CARNS1: variants seen among roughly 807,000 people sequenced by gnomAD.
CARNS1 encodes carnosine synthase 1.
A neutral mutation model predicts 74.0 loss-of-function variants in CARNS1; 61 were observed. The ratio of observed to expected loss-of-function variants is 0.82; its 90% CI spans 0.67 to 1.02. The LOEUF is 1.02. CARNS1 is among the 50% of genes least tolerant of loss of function. The pLI is 0.00. For synonymous variants in CARNS1, 568 were observed against 605.5 expected (o/e 0.94, Z 0.91); for missense variants, 1,278 against 1,308.4 (o/e 0.98, Z 0.36).
At position 67,419,854 on chromosome 11, in the gene CARNS1, G is replaced by A. The variant is rs757464283; in HGVS notation, c.1113+16G>A. 2.6e-6 allele frequency: 4 copies of A among 1,562,732 alleles called. No individual in the cohort carries two copies. The highest frequency in any genetic ancestry group is 3.5e-6 in the Non-Finnish European group (4 of 1,154,222). ...GCTGAGCAAGGTGAGCGTGGCCCAGGCCCAGGCTGTGACCCTGCCTGCCAC... is the reference window on the plus strand; with the variant it reads ...GCTGAGCAAGGTGAGCGTGGCCCAGACCCAGGCTGTGACCCTGCCTGCCAC... On this transcript the variant is annotated intron_variant, in intron 7 of 9. Transcript: ENST00000687366.
rs1863680949 is a variant in CARNS1 at position 67,420,986 on chromosome 11, G to A, written c.1393G>A (p.Ala465Thr). Residue 465 changes from alanine to threonine, a missense_variant, in exon 9 of 10, where the codon GCC (alanine) becomes ACC (threonine). Transcript: ENST00000687366. ...TAAGGVLTPV[A>T]LELNGGLCLE... ...GGCCGGCGGCGTGCTGACCCCAGTG[G>A]CCCTGGAGCTGAACGGCGGCCTGTG... The A allele has an allele frequency of 7.0e-7, 1 of 1,424,920 alleles. No individual in the cohort carries two copies. Among genetic ancestry groups the A allele is most frequent in the Non-Finnish European group, 9.2e-7 (1 of 1,092,060 alleles). The allele number at this position is 1,424,920 out of a possible 1,614,324, so 88.3% of individuals were successfully genotyped here.
chr11:67,415,752 T>C lies in CARNS1; in HGVS notation c.-36T>C, dbSNP rs978705226. ...CCGCCCGCCACGCCCGCCGAGCCGC[T>C]GCCGCCGCCAGGTACCCCAGCTCCG... On this transcript the variant is annotated 5_prime_UTR_variant, in exon 1 of 10. Coordinates refer to ENST00000687366, the MANE Select transcript of CARNS1 (RefSeq NM_001166222.2). 2.6e-5 allele frequency: 4 copies of C among 154,042 alleles called. No individual in the cohort carries two copies. The South Asian group carries it at 7.1e-4, about 27-fold the overall frequency. The allele number at this position is 154,042 out of a possible 1,614,324, so 9.5% of individuals were successfully genotyped here. A position where few individuals can be genotyped will look rare whatever the true frequency, so the allele number is the denominator to read the frequency against.
rs1288492608 is a variant in CARNS1 at position 67,424,263 on chromosome 11, GT to G, written c.2517del (p.Met840TrpfsTer34). ...TGGTGTTGACCTGCTGCTGGCTGCT[GT>G]TATGGTGGCCTGTGGCTTGCGTCCT... ...LYGVDLLLAA[V>X]MVACGLRPAL... On this transcript the variant is annotated frameshift_variant, in exon 10 of 10. Coordinates refer to ENST00000687366, the MANE Select transcript of CARNS1 (RefSeq NM_001166222.2). LOFTEE classifies it high-confidence loss of function. 6.2e-7 allele frequency: 1 copy of G among 1,613,502 alleles called. No homozygotes were observed. Among genetic ancestry groups the G allele is most frequent in the Non-Finnish European group, 8.5e-7 (1 of 1,179,874 alleles).
intron 3 of CARNS1, 86 bp downstream of exon 3, chr11:67,417,763 C>T (rs990600351): frequency 1.6e-5 from 16 of 1,005,026 alleles, no homozygotes; most frequent in African/African-American, 6.7e-5. Flanking sequence ...CTGTCAAGGT[C>T]GGCCCCTTCC....
rs1326856063 is a variant in CARNS1 at position 67,421,130 on chromosome 11, C to T, written c.1537C>T (p.Leu513Phe). 1 of 1,483,040 alleles carries T rather than the reference C, an allele frequency of 6.7e-7. No homozygotes were observed. The highest frequency in any genetic ancestry group is 8.9e-7 in the Non-Finnish European group (1 of 1,123,870). 91.9% of individuals were successfully genotyped at this position (1,483,040 alleles called of 1,614,324 possible). The change falls in exon 9 of 10, where the codon CTC (leucine) becomes TTC (phenylalanine). Residue 513 changes from leucine (L) to phenylalanine (F), a missense_variant. Around this residue, in one of 3 missense-constraint regions of CARNS1, gnomAD observed 1,164 missense variants for 1,156.5 expected, o/e 1.01. Transcript: ENST00000687366. ...ETMLRRSARC[L>F]MEGKQLLVVG... The stretch of plus-strand genomic sequence containing the variant: ...CATGCTTCGGCGGTCGGCGCGCTGC[C>T]TCATGGAGGGAAAACAGCTGCTGGT...
chr11:67,424,681 C>T lies in CARNS1; in HGVS notation c.*80C>T. The T allele has an allele frequency of 7.1e-7, 1 of 1,410,898 alleles. No homozygotes were observed. The highest frequency in any genetic ancestry group is 9.4e-7 in the Non-Finnish European group (1 of 1,058,268). The allele number at this position is 1,410,898 out of a possible 1,614,324, so 87.4% of individuals were successfully genotyped here. A position where few individuals can be genotyped will look rare whatever the true frequency, so the allele number is the denominator to read the frequency against. On this transcript the variant is annotated 3_prime_UTR_variant, in exon 10 of 10. Coordinates refer to ENST00000687366, the MANE Select transcript of CARNS1 (RefSeq NM_001166222.2). ...CTGCTCCCTGGAGCTCTTCCTGCTT[C>T]TCTCCCCATCACCATGCCCCAGCCC... is the stretch of plus-strand genomic sequence containing the variant.
In CARNS1 at chr11:67,421,188, T is replaced by C. The variant is rs1403660382; in HGVS notation, c.1595T>C (p.Val532Ala). ...VGAGGVSKKF[V>A]WEAARDYGLQ... ...GCTGGCGGCGTCAGCAAGAAGTTCG[T>C]GTGGGAGGCGGCGCGCGACTACGGG... Residue 532 changes from valine to alanine, a missense_variant, in exon 9 of 10, where the codon GTG becomes GCG. Val to Ala is a moderately conservative substitution (Grantham distance 64). Transcript: ENST00000687366. The C allele has an allele frequency of 4.7e-6, 7 of 1,492,586 alleles. No individual in the cohort carries two copies. Among genetic ancestry groups the C allele is most frequent in the African/African-American group, 4.4e-5 (3 of 68,290 alleles). 92.5% of individuals were successfully genotyped at this position (1,492,586 alleles called of 1,614,324 possible). A position where few individuals can be genotyped will look rare whatever the true frequency, so the allele number is the denominator to read the frequency against.
rs376380775 is a variant in CARNS1, at chr11:67,424,127, C to T, written c.2379C>T (p.Leu793=). 25 of 1,613,706 alleles carry T rather than the reference C, an allele frequency of 1.5e-5. No homozygotes were observed. Among genetic ancestry groups the T allele is most frequent in the Non-Finnish European group, 1.4e-5 (17 of 1,179,852 alleles). Residue 793 remains leucine, a synonymous_variant, in exon 10 of 10, where the codon CTC becomes CTT. Coordinates refer to ENST00000687366, the MANE Select transcript of CARNS1 (RefSeq NM_001166222.2). The part of the protein sequence containing the change: ...AFRCCLGCGL[L]DGVFNVELKL... ...GCTGTTGCCTGGGCTGCGGGTTGCT[C>T]GATGGAGTCTTCAACGTGGAGCTCA...
At chr11:67,417,155 C>T in intron 2 of CARNS1, 1 of 1,210,470 alleles carries the variant, frequency 8.3e-7, no homozygotes, top group Non-Finnish European at 1.0e-6. Flanking sequence ...GCGGGAGGGG[C>T]TGGCTGGCAA....
In CARNS1 at chr11:67,419,258, C is replaced by G; in HGVS notation, c.852+15C>G. 1 of 1,468,982 alleles carries G rather than the reference C, an allele frequency of 6.8e-7. No individual in the cohort carries two copies. The highest frequency in any genetic ancestry group is 9.0e-7 in the Non-Finnish European group (1 of 1,105,556). The allele number at this position is 1,468,982 out of a possible 1,614,324, so 91.0% of individuals were successfully genotyped here. ...ATATCCTGCAGGTAACAGACTCTCG[C>G]CCACCCTGAGGTCTGTACAGATGCC... is the stretch of plus-strand genomic sequence containing the variant. On this transcript the variant is annotated intron_variant, in intron 5 of 9. Coordinates refer to ENST00000687366, the MANE Select transcript of CARNS1 (RefSeq NM_001166222.2).
rs1565139004 is a variant in CARNS1, at chr11:67,424,005, G to C, written c.2257G>C (p.Gly753Arg). 1 of 1,613,062 alleles carries C rather than the reference G, an allele frequency of 6.2e-7. No individual in the cohort carries two copies. The highest frequency in any genetic ancestry group is 1.3e-5 in the African/African-American group (1 of 75,048). The change falls in exon 10 of 10, where the codon GGC (glycine) becomes CGC (arginine). Residue 753 changes from glycine to arginine, a missense_variant. By Grantham distance (125) the Gly-to-Arg change is moderately radical. This residue lies in a region of CARNS1 where 1,164 missense variants were observed against 1,156.5 expected (regional missense o/e 1.01). Transcript: ENST00000687366. ...RLLAAFVSDNGPTRLPGFTET... is the reference protein window; with the variant it reads ...RLLAAFVSDNRPTRLPGFTET... The stretch of plus-strand genomic sequence containing the variant: ...GCTGGCTGCCTTTGTCTCCGACAAT[G>C]GCCCTACGAGGCTGCCTGGCTTCAC...
intron 4 of CARNS1, 82 bp downstream of exon 4, chr11:67,418,602 G>A (rs569429311): frequency 4.2e-6 from 6 of 1,442,394 alleles, no homozygotes; most frequent in South Asian, 1.3e-5. Context: ...CAAAATACCC[G>A]CCAACCCTGG....
Position 67,417,373 on chromosome 11 carries a change from C to T in CARNS1, c.4-34C>T, listed in dbSNP as rs1863568342. 4 of 1,299,598 alleles carry T rather than the reference C, an allele frequency of 3.1e-6. No individual in the cohort carries two copies. In the South Asian group the frequency reaches 8.9e-5, roughly 29 times the overall value. The allele number at this position is 1,299,598 out of a possible 1,614,324, so 80.5% of individuals were successfully genotyped here. ...GTGACTTAATGTGCCCACTGGCCCA[C>T]CCTGCCCAAGACCTACCACTTCTGC... On this transcript the variant is annotated intron_variant, in intron 2 of 9. Coordinates refer to ENST00000687366, the MANE Select transcript of CARNS1 (RefSeq NM_001166222.2).
rs112155556 is a variant in CARNS1, at chr11:67,424,861, C to CCCCACACACACACA, written c.*261_*262insCCACACACACACAC. ...TCTAGCCTTGGAGAAATGACAATGG[C>CCCCACACACACACA]CACACACACACACACACACACACAC... On this transcript the variant is annotated 3_prime_UTR_variant, in exon 10 of 10. Coordinates refer to ENST00000687366, the MANE Select transcript of CARNS1 (RefSeq NM_001166222.2). 23 of 508,976 alleles carry CCCCACACACACACA rather than the reference C, an allele frequency of 4.5e-5. No homozygotes were observed. In the African/African-American group the frequency reaches 4.6e-4, roughly 10 times the overall value. 31.5% of individuals were successfully genotyped at this position (508,976 alleles called of 1,614,324 possible). A position where few individuals can be genotyped will look rare whatever the true frequency, so the allele number is the denominator to read the frequency against.
At chr11:67,422,288 A>T (rs1053474753) in intron 9 of CARNS1, among the ~76,000 whole-genome samples, 3 of 141,216 alleles carry the variant, frequency 2.1e-5, no homozygotes, top group African/African-American at 8.1e-5. Flanking sequence ...GGTTCAAGTG[A>T]TTCTCGTGCC....
chr11:67,418,504 T>C lies in CARNS1; in HGVS notation c.348T>C (p.Gly116=). Residue 116 remains glycine, a synonymous_variant, in exon 4 of 10, where the codon GGT becomes GGC. Transcript: ENST00000687366. ...PSTFLPVLLE[G]GVQSPGNMLL... ...CCTTTCTGCCTGTGCTGCTGGAGGG[T>C]GGGGTCCAGAGCCCGGGTGAGTGTA... The C allele has an allele frequency of 6.6e-7, 1 of 1,520,568 alleles. No homozygotes were observed. The highest frequency in any genetic ancestry group is 2.1e-5 in the Admixed American group (1 of 48,118). The allele number at this position is 1,520,568 out of a possible 1,614,324, so 94.2% of individuals were successfully genotyped here.
At chr11:67,420,576 T>C (rs979780081) in intron 7 of CARNS1, 33 bp from the exon 8 acceptor site, 1 of 1,186,708 alleles carries the variant, frequency 8.4e-7, no homozygotes, top group Non-Finnish European at 1.1e-6. Flanking sequence ...GCAGGGAGTG[T>C]GTGGGCCTCC....
In CARNS1 at chr11:67,424,224, A is replaced by G. The variant is rs1863777424; in HGVS notation, c.2476A>G (p.Ile826Val). 1.9e-6 allele frequency: 3 copies of G among 1,613,442 alleles called. No individual in the cohort carries two copies. The highest frequency in any genetic ancestry group is 1.7e-5 in the Admixed American group (1 of 60,002). ...RMGGFYLRDW[I>V]LELYGVDLLL... ...GGGTGGCTTCTACCTGCGTGATTGG[A>G]TCCTGGAGCTCTATGGTGTTGACCT... The change falls in exon 10 of 10, where the codon ATC (isoleucine) becomes GTC (valine). Residue 826 changes from isoleucine to valine, a missense_variant. Around this residue, in one of 3 missense-constraint regions of CARNS1, gnomAD observed 1,164 missense variants for 1,156.5 expected, o/e 1.01. Coordinates refer to ENST00000687366, the MANE Select transcript of CARNS1 (RefSeq NM_001166222.2).
In CARNS1 at chr11:67,420,702, G is replaced by T; in HGVS notation, c.1207G>T (p.Gly403Cys). Residue 403 changes from glycine (G) to cysteine (C), a missense_variant, in exon 8 of 10, where the codon GGC (glycine) becomes TGC (cysteine). Around this residue, in one of 3 missense-constraint regions of CARNS1, gnomAD observed 1,164 missense variants for 1,156.5 expected, o/e 1.01. Coordinates refer to ENST00000687366, the MANE Select transcript of CARNS1 (RefSeq NM_001166222.2). ...LEVALAQCGLGEEAQVAAVRQ... is the reference protein window; with the variant it reads ...LEVALAQCGLCEEAQVAAVRQ... ...GGTGGCGCTGGCCCAGTGCGGCCTG[G>T]GCGAGGAGGCGCAGGTGGCGGCTGT... 1 of 1,266,974 alleles carries T rather than the reference G, an allele frequency of 7.9e-7. No individual in the cohort carries two copies. Among genetic ancestry groups the T allele is most frequent in the Non-Finnish European group, 9.9e-7 (1 of 1,009,202 alleles). 78.5% of individuals were successfully genotyped at this position (1,266,974 alleles called of 1,614,324 possible). A position where few individuals can be genotyped will look rare whatever the true frequency, so the allele number is the denominator to read the frequency against.
Sources: allele counts gnomAD v4.1 joint callset (sites outside exome capture counted in the v4.1 genomes callset), GRCh38; gene constraint gnomAD v4.1.1; regional missense constraint gnomAD v4.1.1; transcripts MANE v1.5; gene names NCBI Gene and HGNC (gene_info 2026-07-23, HGNC 2026-07-21).